The following LRRC37B variants were observed in gnomAD, a reference collection of about 807,000 sequenced individuals.
LRRC37B encodes the protein leucine rich repeat containing 37B, also known as leucine-rich repeat-containing protein 37B.
In LRRC37B, 28 loss-of-function variants were observed where a neutral mutation model predicts 98.3. The ratio of observed to expected loss-of-function variants is 0.28; its 90% CI spans 0.21 to 0.39. The LOEUF (loss-of-function observed/expected upper bound fraction) is 0.39. LRRC37B is among the 10% of genes least tolerant of loss of function. The pLI is 1.00. For synonymous variants in LRRC37B, 364 were observed against 442.7 expected (o/e 0.82, Z 2.23); for missense variants, 938 against 1,182.7 (o/e 0.79, Z 3.03).
Position 32,030,646 on chromosome 17 carries a change from T to C in LRRC37B, c.1905-10T>C, listed in dbSNP as rs1911084804. On this transcript the variant is annotated splice_polypyrimidine_tract_variant and intron_variant, in intron 3 of 11. Transcript: ENST00000327564. ...TTATCAAGGCAATATTTTCCTTTTA[T>C]TTTTCCTAGAGATTTATCCTGCAAT... The C allele has an allele frequency of 6.2e-6, 9 of 1,446,310 alleles. No homozygotes were observed. Among genetic ancestry groups the C allele is most frequent in the Non-Finnish European group, 8.4e-6 (9 of 1,070,032 alleles). 89.6% of individuals were successfully genotyped at this position (1,446,310 alleles called of 1,614,324 possible).
At chr17:32,020,141 G>GC (rs914949292), upstream of LRRC37B, among the ~76,000 whole-genome samples, 7 of 152,244 alleles carry the variant, frequency 4.6e-5, no homozygotes, top group African/African-American at 1.7e-4. Flanking sequence ...ACTGTGCACA[G>GC]CCCCCCTTCA....
rs1410984072 is a variant in LRRC37B, at chr17:32,050,070, T to TA, written c.2826dup (p.Leu943ThrfsTer17). ...ATCTTCGCAATATCTGTGACTGTAATACTAATAATTTTGATTATAATTTTT... is the reference window on the plus strand; with the variant it reads ...ATCTTCGCAATATCTGTGACTGTAATAACTAATAATTTTGATTATAATTTTT... On this transcript the variant is annotated frameshift_variant, in exon 11 of 12. Coordinates refer to ENST00000327564, the Ensembl canonical transcript of LRRC37B. LOFTEE classifies it high-confidence loss of function. 1.9e-6 allele frequency: 3 copies of TA among 1,582,640 alleles called. No individual in the cohort carries two copies. The highest frequency in any genetic ancestry group is 2.6e-6 in the Non-Finnish European group (3 of 1,152,364).
intron 3 of LRRC37B, 106 bp from the exon 7 acceptor site, chr17:32,030,550 C>T (rs1193498678): frequency 6.2e-6 from 6 of 964,034 alleles, no homozygotes; most frequent in East Asian, 2.9e-5. Flanking sequence ...TGTTTAGAGT[C>T]GAGATGAAAA....
At chr17:32,020,877 C>A (rs1001688212), upstream of LRRC37B, 47 of 865,508 alleles carry the variant, frequency 5.4e-5, no homozygotes, top group Admixed American at 2.1e-4. Context: ...CCGCTGGAGT[C>A]CTGGGACCAC....
At chr17:32,042,167 CCACCTT>C (rs1443640450) in intron 7 of LRRC37B, 2 of 291,056 alleles carry the variant, frequency 6.9e-6, no homozygotes, top group African/African-American at 4.5e-5. Flanking sequence ...GGGATCTGCC[CCACCTT>C]CCCCCCCATA....
At chr17:32,043,086 A>G (rs1255853417) in intron 7 of LRRC37B, among the ~76,000 whole-genome samples, 3 of 152,214 alleles carry the variant, frequency 2.0e-5, no homozygotes, top group Non-Finnish European at 4.4e-5. Flanking sequence ...CTGACTCTCA[A>G]ATGGTTTGTC....
chr17:32,027,350 TGTGTGTGTGTGC>T lies in LRRC37B; in HGVS notation c.1833-418_1833-407del, dbSNP rs1200809388. Among the ~76,000 whole-genome samples the T allele has an allele frequency of 8.6e-5, 13 of 151,468 alleles. 1 individual carries two copies. Among genetic ancestry groups the T allele is most frequent in the Admixed American group, 5.9e-4 (9 of 15,208 alleles). The stretch of plus-strand genomic sequence containing the variant: ...GTGTGCTTGCACGTGTGTGCTTGCT[TGTGTGTGTGTGC>T]TTGTGTGTGTGCTTGTGTGTGTGTG... On this transcript the variant is annotated intron_variant, in intron 2 of 11. Transcript: ENST00000327564.
At chr17:32,018,445 C>G (rs1366029343), upstream of LRRC37B, among the ~76,000 whole-genome samples, 1 of 152,204 alleles carries the variant, frequency 6.6e-6, no homozygotes, top group Non-Finnish European at 1.5e-5. Flanking sequence ...ATGTGAAACT[C>G]TGAAACTGCT....
At chr17:32,041,873 C>T in intron 7 of LRRC37B, 3 of 457,060 alleles carry the variant, frequency 6.6e-6, no homozygotes, top group South Asian at 3.1e-5. Flanking sequence ...TCCAGGGCAG[C>T]CCCCACCTCC....
At position 32,031,403 on chromosome 17, in the gene LRRC37B, A is replaced by T; in HGVS notation, c.2002A>T (p.Lys668Ter). ...AAATCTGGGCTGCAATTTAATTACA[A>T]AACTGAGCCTTGGAACATTTCAGGC... Residue 668 changes from lysine (K) to a stop codon, truncating the protein, a stop_gained, in exon 5 of 12, where the codon AAA becomes TAA. Coordinates refer to ENST00000327564, the Ensembl canonical transcript of LRRC37B. LOFTEE classifies it high-confidence loss of function. The T allele has an allele frequency of 6.2e-7, 1 of 1,610,912 alleles. No homozygotes were observed. Among genetic ancestry groups the T allele is most frequent in the Non-Finnish European group, 8.5e-7 (1 of 1,179,476 alleles).
chr17:32,044,586 CTG>C (rs1374582818), intron 7 of LRRC37B, among the ~76,000 whole-genome samples: 2 of 152,266 alleles, frequency 1.3e-5, no homozygotes, highest in African/African-American at 4.8e-5. Flanking sequence ...GATCTCTCCA[CTG>C]TGGTTATTTT....
chr17:32,024,901 A>G, intron 2 of LRRC37B, 119 bp downstream of exon 5: 2 of 1,353,238 alleles, frequency 1.5e-6, no homozygotes, highest in Admixed American at 2.2e-5. Flanking sequence ...ACCCCAAATC[A>G]GCCTCTGTGG....
chr17:32,009,743 G>A (rs1197076077), intron 1 of LRRC37B, among the ~76,000 whole-genome samples: 4 of 151,952 alleles, frequency 2.6e-5, no homozygotes, highest in Non-Finnish European at 4.4e-5. Flanking sequence ...CTGGGCTCAA[G>A]GTGATCCTCC....
intron 7 of LRRC37B, 136 bp from the exon 11 acceptor site, chr17:32,045,564 G>A: frequency 3.1e-6 from 3 of 968,726 alleles, no homozygotes; most frequent in Non-Finnish European, 3.2e-6. Context: ...TGGCCTTCTG[G>A]TTCCTACCCA....
chr17:32,044,780 T>C (rs2627087), intron 7 of LRRC37B, among the ~76,000 whole-genome samples: 77 of 152,150 alleles, frequency 5.1e-4, no homozygotes, highest in Non-Finnish European at 6.5e-4. Context: ...GTCCCATCTA[T>C]CTGGGGGGCT....
At chr17:32,009,742 A>G (rs190938402) in intron 1 of LRRC37B, among the ~76,000 whole-genome samples, 100 of 152,234 alleles carry the variant, frequency 6.6e-4, no homozygotes, top group Non-Finnish European at 5.0e-4. Context: ...CCTGGGCTCA[A>G]GGTGATCCTC....
In LRRC37B at chr17:32,040,766, G is replaced by A. The variant is rs956496691; in HGVS notation, c.2205-4934G>A. 7.2e-6 allele frequency: 6 copies of A among 832,078 alleles called. No homozygotes were observed. In the African/African-American group the frequency reaches 8.3e-5, roughly 11 times the overall value. 51.5% of individuals were successfully genotyped at this position (832,078 alleles called of 1,614,324 possible). A position where few individuals can be genotyped will look rare whatever the true frequency, so the allele number is the denominator to read the frequency against. ...ACGAGTCCAACTTCAGTGACGCACT[G>A]CTGGATGCCGGCGAGTCCATGAAGC... is the stretch of plus-strand genomic sequence containing the variant. On this transcript the variant is annotated intron_variant, in intron 7 of 11. Coordinates refer to ENST00000327564, the Ensembl canonical transcript of LRRC37B.
At chr17:32,049,588 C>T (rs949553435) in intron 10 of LRRC37B, among the ~76,000 whole-genome samples, 194 bp downstream of exon 13, 4 of 152,090 alleles carry the variant, frequency 2.6e-5, no homozygotes, top group Non-Finnish European at 5.9e-5. Flanking sequence ...AACTGTAGGC[C>T]GGGGGTGGTA....
At chr17:32,051,648 C>G (rs1451393770) in intron 11 of LRRC37B, 1 of 152,158 alleles carries the variant, frequency 6.6e-6, no homozygotes, top group Non-Finnish European at 1.5e-5. Context: ...ATGCAGTGAG[C>G]TGTGGTCATA....
Sources: allele counts gnomAD v4.1 joint callset (sites outside exome capture counted in the v4.1 genomes callset), GRCh38; gene constraint gnomAD v4.1.1; transcripts MANE v1.5; gene names NCBI Gene and HGNC (gene_info 2026-07-23, HGNC 2026-07-21).